TSEN2: variants seen among roughly 807,000 people sequenced by gnomAD.
TSEN2 encodes the protein tRNA splicing endonuclease subunit 2, also known as tRNA-splicing endonuclease subunit Sen2.
In TSEN2, 54 loss-of-function variants were observed where a neutral mutation model predicts 59.2. The ratio of observed to expected loss-of-function variants is 0.91; its 90% CI spans 0.73 to 1.14. The LOEUF (loss-of-function observed/expected upper bound fraction) is 1.14. Ranked by LOEUF, TSEN2 falls within the 50% of genes most tolerant of loss-of-function variation. The pLI, the probability that TSEN2 is intolerant of heterozygous loss-of-function variation, is 0.00. For synonymous variants in TSEN2, 195 were observed against 198.2 expected (o/e 0.98, Z 0.14); for missense variants, 636 against 576.2 (o/e 1.10, Z -1.06).
chr3:12,534,783 G>A (rs575840185), downstream of TSEN2, among the ~76,000 whole-genome samples: 55 of 143,248 alleles, frequency 3.8e-4, no homozygotes, highest in African/African-American at 1.4e-3. Flanking sequence ...CAGCCAGGGC[G>A]ACAGAGCGAG....
chr3:12,504,331 C>T (rs927015140), intron 5 of TSEN2, among the ~76,000 whole-genome samples: 4 of 152,040 alleles, frequency 2.6e-5, no homozygotes, highest in Non-Finnish European at 5.9e-5. Flanking sequence ...CCTGTAATCC[C>T]AGCACTTTGG....
At chr3:12,502,113 C>T (rs1218706562) in intron 4 of TSEN2, among the ~76,000 whole-genome samples, 1 of 152,194 alleles carries the variant, frequency 6.6e-6, no homozygotes, top group Non-Finnish European at 1.5e-5. Flanking sequence ...TCATTTCTCT[C>T]CTTATCCTGT....
chr3:12,481,664 G>A (rs1271348667), upstream of TSEN2, among the ~76,000 whole-genome samples: 1 of 152,132 alleles, frequency 6.6e-6, no homozygotes, highest in Admixed American at 6.5e-5. Context: ...TTGGCTGCGA[G>A]TTCAGTGTTG....
intron 6 of TSEN2, among the ~76,000 whole-genome samples, chr3:12,505,930 G>A (rs552673911): frequency 5.9e-5 from 9 of 151,832 alleles, no homozygotes; most frequent in East Asian, 5.9e-4. Flanking sequence ...GCACTACTGC[G>A]CTCCAGCTTG....
chr3:12,515,530 C>G (rs1290502035), intron 6 of TSEN2, among the ~76,000 whole-genome samples: 2 of 152,196 alleles, frequency 1.3e-5, no homozygotes, highest in African/African-American at 4.8e-5. Context: ...TGGTCACTAC[C>G]TGCTCTGCAC....
intron 3 of TSEN2, 72 bp from the exon 4 acceptor site, chr3:12,496,446 T>G: frequency 1.3e-6 from 2 of 1,500,428 alleles, no homozygotes; most frequent in Non-Finnish European, 1.9e-6. Context: ...ATTCTCAGTC[T>G]TTCCTAGATT....
At chr3:12,531,299 C>T (rs900901985) in intron 10 of TSEN2, 3 of 404,020 alleles carry the variant, frequency 7.4e-6, no homozygotes, top group African/African-American at 6.0e-5. Context: ...CATTTGAGGA[C>T]TTACTATATT....
At chr3:12,532,333 C>G (rs1330247979) in intron 11 of TSEN2, among the ~76,000 whole-genome samples, 1 of 152,164 alleles carries the variant, frequency 6.6e-6, no homozygotes, top group Non-Finnish European at 1.5e-5. Context: ...GTAGCTGGCC[C>G]CGTTACAGCA....
chr3:12,499,592 T>C (rs111876751), intron 4 of TSEN2, among the ~76,000 whole-genome samples: 3,730 of 152,296 alleles, frequency 0.024, 65 homozygotes, highest in South Asian at 0.06. Flanking sequence ...GAGATGTTTC[T>C]GTTTCGTAGA....
chr3:12,534,618 C>T (rs1285811653), downstream of TSEN2, among the ~76,000 whole-genome samples: 2 of 151,854 alleles, frequency 1.3e-5, no homozygotes, highest in East Asian at 1.9e-4. Context: ...CTGGCTAACA[C>T]GGTGAAACCC....
At chr3:12,495,362 T>C (rs2053647321) in intron 3 of TSEN2, among the ~76,000 whole-genome samples, 1 of 152,114 alleles carries the variant, frequency 6.6e-6, no homozygotes, top group Non-Finnish European at 1.5e-5. Context: ...CCCGAGTAGC[T>C]GGAACTACAG....
chr3:12,534,752 C>T (rs1179809731), downstream of TSEN2, among the ~76,000 whole-genome samples: 3 of 149,812 alleles, frequency 2.0e-5, no homozygotes, highest in East Asian at 2.0e-4. Context: ...TGCAGTGAGC[C>T]GAGATCGCGC....
chr3:12,500,053 G>A (rs1029472709), intron 4 of TSEN2, among the ~76,000 whole-genome samples: 3 of 152,202 alleles, frequency 2.0e-5, no homozygotes, highest in African/African-American at 7.2e-5. Flanking sequence ...GGCACGTCCT[G>A]TGTCCTTGCG....
chr3:12,495,054 A>T (rs549069555), intron 3 of TSEN2, among the ~76,000 whole-genome samples: 17 of 127,000 alleles, frequency 1.3e-4, no homozygotes, highest in Non-Finnish European at 2.5e-4. Flanking sequence ...TGAACCCTGG[A>T]GGCGGAGGTT....
chr3:12,480,336 T>A (rs1471719428), upstream of TSEN2, among the ~76,000 whole-genome samples: 1 of 152,128 alleles, frequency 6.6e-6, no homozygotes, highest in Non-Finnish European at 1.5e-5. Flanking sequence ...GGCAGCCACC[T>A]GCCCTCCTCC....
rs1338837834 is a variant in TSEN2 at position 12,511,838 on chromosome 3, A to AT, written c.910-4771dup. On this transcript the variant is annotated intron_variant, in intron 6 of 11. Transcript: ENST00000284995. The stretch of plus-strand genomic sequence containing the variant: ...TGCCTTGGCCTCCGAAAGTGCTAGG[A>AT]TTACAGGTGTGAGCCACCCTGCCTA... Among the ~76,000 whole-genome samples, 10 of 152,286 alleles carry AT rather than the reference A, an allele frequency of 6.6e-5. No individual in the cohort carries two copies. In the East Asian group the frequency reaches 1.9e-3, roughly 29 times the overall value.
chr3:12,481,242 T>C (rs1288505870), upstream of TSEN2, among the ~76,000 whole-genome samples: 1 of 152,244 alleles, frequency 6.6e-6, no homozygotes, highest in Non-Finnish European at 1.5e-5. Context: ...TATGTTGATA[T>C]AGTCCATCCT....
At chr3:12,503,997 A>G (rs1347199706) in intron 5 of TSEN2, among the ~76,000 whole-genome samples, 4 of 152,180 alleles carry the variant, frequency 2.6e-5, no homozygotes, top group East Asian at 3.8e-4. Flanking sequence ...AATTAAGACA[A>G]GGCCAGTGGT....
At chr3:12,535,201 C>T (rs1029949564), downstream of TSEN2, among the ~76,000 whole-genome samples, 9 of 152,152 alleles carry the variant, frequency 5.9e-5, no homozygotes, top group Admixed American at 3.3e-4. Flanking sequence ...CCACCACCCA[C>T]CTCCCATGTA....
Sources: allele counts gnomAD v4.1 joint callset (sites outside exome capture counted in the v4.1 genomes callset), GRCh38; gene constraint gnomAD v4.1.1; transcripts MANE v1.5; gene names NCBI Gene and HGNC (gene_info 2026-07-23, HGNC 2026-07-21).